NHEJ1: variants seen among roughly 807,000 people sequenced by gnomAD.
The protein encoded by NHEJ1 is non-homologous end-joining factor 1.
In NHEJ1, 22 loss-of-function variants were observed where a neutral mutation model predicts 39.4. The ratio of observed to expected loss-of-function variants is 0.56; its 90% CI spans 0.40 to 0.80. NHEJ1 has a LOEUF of 0.80. Among genes scored for constraint, NHEJ1 ranks in the 30% least tolerant of loss-of-function variants. The pLI, the probability that NHEJ1 is intolerant of heterozygous loss-of-function variation, is 0.00. For synonymous variants in NHEJ1, 154 were observed against 135.6 expected, an observed-to-expected ratio of 1.14 and a Z score of -0.94; for missense variants, 329 against 357.1, an observed-to-expected ratio of 0.92 and a Z score of 0.63.
intron 5 of NHEJ1, among the ~76,000 whole-genome samples, chr2:219,124,123 G>C (rs568785406): frequency 6.6e-6 from 1 of 152,226 alleles, no homozygotes; most frequent in African/African-American, 2.4e-5. Context: ...CATCAACCTA[G>C]ATCAGCATGG....
intron 5 of NHEJ1, among the ~76,000 whole-genome samples, chr2:219,135,359 C>A (rs1233937714): frequency 6.6e-6 from 1 of 152,182 alleles, no homozygotes; most frequent in Non-Finnish European, 1.5e-5. Context: ...GTAATCCCAG[C>A]ACTTTGGGAG....
At chr2:219,101,030 C>T (rs1340059038) in intron 5 of NHEJ1, among the ~76,000 whole-genome samples, 36 of 152,168 alleles carry the variant, frequency 2.4e-4, no homozygotes, top group Admixed American at 2.4e-3. Context: ...GTATAAACAT[C>T]CCAAATGGGA....
Position 219,070,179 on chromosome 2 carries a change from C to G in NHEJ1, c.*6202G>C, listed in dbSNP as rs1017766606. ...GGGACTACAGGCGCACATCACCACA[C>G]TAATTTTTTTTTTATTTTTATTTTT... On this transcript the variant is annotated 3_prime_UTR_variant, in exon 8 of 8. Coordinates refer to ENST00000356853, the MANE Select transcript of NHEJ1 (RefSeq NM_024782.3). 6.6e-6 allele frequency among the ~76,000 whole-genome samples: 1 copy of G among 152,042 alleles called. No individual in the cohort carries two copies. The highest frequency in any genetic ancestry group is 2.4e-5 in the African/African-American group (1 of 41,398).
rs1948991499 is a variant in NHEJ1 at position 219,074,234 on chromosome 2, C to A, written c.*2147G>T. 6.6e-6 allele frequency among the ~76,000 whole-genome samples: 1 copy of A among 152,158 alleles called. No individual in the cohort carries two copies. Among genetic ancestry groups the A allele is most frequent in the South Asian group, 2.1e-4 (1 of 4,834 alleles). ...CACACATTCTTTTTGAGAACATCAA[C>A]AAAATTTTGCTCTTAAGATTTTACC... On this transcript the variant is annotated 3_prime_UTR_variant, in exon 8 of 8. Transcript: ENST00000356853.
chr2:219,131,068 G>C (rs575411922), intron 5 of NHEJ1, among the ~76,000 whole-genome samples: 74 of 152,094 alleles, frequency 4.9e-4, no homozygotes, highest in Non-Finnish European at 1.0e-3. Flanking sequence ...CTCCAGCTTG[G>C]GCAACAGAGC....
intron 5 of NHEJ1, among the ~76,000 whole-genome samples, chr2:219,088,628 T>C (rs1023714128): frequency 2.6e-5 from 4 of 152,178 alleles, no homozygotes; most frequent in Non-Finnish European, 5.9e-5. Context: ...GATAGTGTAG[T>C]GGTGTTACCC....
At chr2:219,117,203 C>A (rs1358067964) in intron 5 of NHEJ1, among the ~76,000 whole-genome samples, 1 of 152,212 alleles carries the variant, frequency 6.6e-6, no homozygotes, top group Non-Finnish European at 1.5e-5. Context: ...CTGGCCCAGG[C>A]TCCTGCCACG....
chr2:219,097,337 A>C (rs1949217716), intron 5 of NHEJ1, among the ~76,000 whole-genome samples: 1 of 152,218 alleles, frequency 6.6e-6, no homozygotes, highest in Admixed American at 6.5e-5. Context: ...GGTGGCTCAG[A>C]CCAAGGTATT....
At chr2:219,128,689 C>T (rs774114226) in intron 5 of NHEJ1, among the ~76,000 whole-genome samples, 3 of 152,208 alleles carry the variant, frequency 2.0e-5, no homozygotes, top group Non-Finnish European at 4.4e-5. Flanking sequence ...TTGACACGTT[C>T]TTGCCCGGCC....
chr2:219,119,770 T>C (rs188165815), intron 5 of NHEJ1, among the ~76,000 whole-genome samples: 1 of 152,292 alleles, frequency 6.6e-6, no homozygotes, highest in East Asian at 1.9e-4. Context: ...AAAGAGAGTA[T>C]TCCTGTGGAG....
chr2:219,080,688 T>TAA (rs377705454), intron 5 of NHEJ1, among the ~76,000 whole-genome samples: 50,116 of 115,930 alleles, frequency 0.43, 17,339 homozygotes, highest in Non-Finnish European at 0.59. Context: ...CTAATATATA[T>TAA]GCTTATATAT....
chr2:219,097,258 G>A (rs1184661380), intron 5 of NHEJ1, among the ~76,000 whole-genome samples: 1 of 152,130 alleles, frequency 6.6e-6, no homozygotes, highest in Non-Finnish European at 1.5e-5. Context: ...CATAAGTCAA[G>A]GGACATCTGT....
chr2:219,147,914 T>C, intron 3 of NHEJ1, 119 bp from the exon 4 acceptor site: 4 of 987,272 alleles, frequency 4.1e-6, no homozygotes, highest in South Asian at 1.4e-5. Flanking sequence ...TATAGTTTCA[T>C]AGGCAAGTAA....
intron 5 of NHEJ1, among the ~76,000 whole-genome samples, chr2:219,126,279 A>G: frequency 6.6e-6 from 1 of 152,256 alleles, no homozygotes; most frequent in East Asian, 1.9e-4. Context: ...TCTGCACTAG[A>G]AAGTCAAAGG....
Position 219,074,759 on chromosome 2 carries a change from C to A in NHEJ1, c.*1622G>T, listed in dbSNP as rs182661442. 0.014 allele frequency among the ~76,000 whole-genome samples: 2,146 copies of A among 150,248 alleles called. 28 individuals carry two copies. The highest frequency in any genetic ancestry group is 0.08 in the Middle Eastern group (23 of 286). On this transcript the variant is annotated 3_prime_UTR_variant, in exon 8 of 8. Coordinates refer to ENST00000356853, the MANE Select transcript of NHEJ1 (RefSeq NM_024782.3). Reference sequence around the variant, plus strand: ...CTCCATTAAAAAAAAAAAAAAGTAACAAAAGAGCAAAGTAAGCCAGCTGAT... The same window carrying A: ...CTCCATTAAAAAAAAAAAAAAGTAAAAAAAGAGCAAAGTAAGCCAGCTGAT...
intron 5 of NHEJ1, among the ~76,000 whole-genome samples, chr2:219,144,355 G>C (rs1180263683): frequency 6.6e-6 from 1 of 152,206 alleles, no homozygotes; most frequent in Non-Finnish European, 1.5e-5. Context: ...AGAGTCCACA[G>C]ATCAGTGGAG....
intron 3 of NHEJ1, 68 bp from the exon 4 acceptor site, chr2:219,147,863 AC>A: frequency 6.6e-7 from 1 of 1,514,098 alleles, no homozygotes; most frequent in Non-Finnish European, 9.1e-7. Context: ...AGTATTAGGT[AC>A]CAGAAAAAAT....
intron 1 of NHEJ1, chr2:219,158,780 T>C (rs73993503): frequency 3.1e-5 from 7 of 222,444 alleles, no homozygotes; most frequent in Non-Finnish European, 5.5e-5. Context: ...GGAATAGTTC[T>C]TGTCTTATAA....
At chr2:219,085,542 A>G (rs1432661299) in intron 5 of NHEJ1, among the ~76,000 whole-genome samples, 1 of 152,182 alleles carries the variant, frequency 6.6e-6, no homozygotes, top group Non-Finnish European at 1.5e-5. Flanking sequence ...GCCTGCAACA[A>G]GGTCTTCCCT....
Sources: gnomAD v4.1 joint callset for allele counts (sites outside exome capture counted in the v4.1 genomes callset) on GRCh38, gnomAD v4.1.1 for gene constraint, MANE v1.5 for transcripts, NCBI Gene and HGNC (gene_info 2026-07-23, HGNC 2026-07-21) for gene names.